The following IL1RAPL1 variants were observed in gnomAD, a reference collection of about 807,000 sequenced individuals.
IL1RAPL1 encodes interleukin 1 receptor accessory protein like 1, also known as interleukin-1 receptor accessory protein-like 1.
In IL1RAPL1, 3 loss-of-function variants were observed where a neutral mutation model predicts 48.4. That is an observed-to-expected ratio of 0.06 (90% CI 0.03 to 0.16). IL1RAPL1 has a LOEUF of 0.16. IL1RAPL1 is among the 10% of genes least tolerant of loss of function. IL1RAPL1 has a pLI of 1.00. For synonymous variants in IL1RAPL1, 185 were observed against 187.7 expected (o/e 0.99, Z 0.12); for missense variants, 349 against 530.6 (o/e 0.66, Z 3.36).
chrX:29,373,610 T>C (rs1047369673), intron 3 of IL1RAPL1, among the ~76,000 whole-genome samples: 1 of 110,673 alleles, frequency 9.0e-6, no homozygotes, highest in African/African-American at 3.3e-5. Context: ...AGTTCTTTGA[T>C]GTTGTTGTTG....
At chrX:29,287,009 A>T (rs1175453953) in intron 3 of IL1RAPL1, among the ~76,000 whole-genome samples, 1 of 111,318 alleles carries the variant, frequency 9.0e-6, no homozygotes, top group Non-Finnish European at 1.9e-5. Flanking sequence ...GGATATTGAC[A>T]TTGATACAGT....
intron 2 of IL1RAPL1, among the ~76,000 whole-genome samples, chrX:28,937,037 G>A (rs1484171845): frequency 1.8e-5 from 2 of 111,085 alleles, no homozygotes; most frequent in Non-Finnish European, 3.8e-5. Flanking sequence ...GCAGGATCCT[G>A]TGTAAAGTTG....
At chrX:29,803,252 TAC>T (rs1490038064) in intron 6 of IL1RAPL1, among the ~76,000 whole-genome samples, 3 of 36,107 alleles carry the variant, frequency 8.3e-5, no homozygotes, top group African/African-American at 2.4e-4. Flanking sequence ...TGTATACATA[TAC>T]ACACATGTAT....
chrX:29,732,300 C>T (rs1018425264), intron 6 of IL1RAPL1, among the ~76,000 whole-genome samples: 2 of 111,691 alleles, frequency 1.8e-5, no homozygotes, highest in Non-Finnish European at 3.8e-5. Context: ...ACCCCACCCC[C>T]GCACTTCTAA....
intron 3 of IL1RAPL1, among the ~76,000 whole-genome samples, chrX:29,317,619 G>T (rs1027742832): frequency 8.9e-6 from 1 of 112,001 alleles, no homozygotes; most frequent in African/African-American, 3.2e-5. Flanking sequence ...GTATGTATTT[G>T]TTGATTTGTT....
intron 5 of IL1RAPL1, among the ~76,000 whole-genome samples, chrX:29,629,250 G>A (rs2147078419): frequency 9.0e-6 from 1 of 111,424 alleles, no homozygotes; most frequent in Admixed American, 9.6e-5. Flanking sequence ...TCCTAAGAAA[G>A]AATTTTGTCA....
chrX:29,208,723 TAATAATAATAATA>T (rs1480774281), intron 2 of IL1RAPL1, among the ~76,000 whole-genome samples: 7 of 86,958 alleles, frequency 8.0e-5, no homozygotes, highest in African/African-American at 4.4e-4. Context: ...ATAATAATAA[TAATAATAATAATA>T]AATAAATAAA....
chrX:28,612,252 C>T (rs963847928), intron 1 of IL1RAPL1, among the ~76,000 whole-genome samples: 2 of 112,036 alleles, frequency 1.8e-5, no homozygotes, highest in Non-Finnish European at 3.8e-5. Flanking sequence ...CATCTACTAT[C>T]CTCACACTCC....
At chrX:29,481,055 A>G (rs184562181) in intron 5 of IL1RAPL1, among the ~76,000 whole-genome samples, 13 of 112,442 alleles carry the variant, frequency 1.2e-4, no homozygotes, top group African/African-American at 4.2e-4. Context: ...GAATTATTAG[A>G]TGTTTAATGA....
At chrX:29,008,005 GTAT>G (rs1250297482) in intron 2 of IL1RAPL1, among the ~76,000 whole-genome samples, 2 of 111,033 alleles carry the variant, frequency 1.8e-5, no homozygotes, top group Non-Finnish European at 1.9e-5. Flanking sequence ...TACTTTTTTA[GTAT>G]TATTATTATT....
chrX:29,543,115 T>TTCTCTCTCTCTCTCTC lies in IL1RAPL1; in HGVS notation c.704-125296_704-125281dup, dbSNP rs59836290. Among the ~76,000 whole-genome samples the TTCTCTCTCTCTCTCTC allele has an allele frequency of 3.5e-3, 319 of 91,686 alleles. 2 individuals carry two copies. The highest frequency in any genetic ancestry group is 0.012 in the African/African-American group (279 of 24,257). 79.6% of individuals were successfully genotyped at this position (91,686 alleles called of 115,157 possible). A position where few individuals can be genotyped will look rare whatever the true frequency, so the allele number is the denominator to read the frequency against. ...TGTTTGACCATAGCAATCTGTTCGT[T>TTCTCTCTCTCTCTCTC]TCTCTCTCTCTCTCTCTCTCTCTCT... On this transcript the variant is annotated intron_variant, in intron 5 of 10. Coordinates refer to ENST00000378993, the MANE Select transcript of IL1RAPL1 (RefSeq NM_014271.4).
At chrX:29,580,176 A>G (rs1187873206) in intron 5 of IL1RAPL1, among the ~76,000 whole-genome samples, 1 of 107,972 alleles carries the variant, frequency 9.3e-6, no homozygotes, top group Non-Finnish European at 1.9e-5. Flanking sequence ...TACGTTAGGT[A>G]CTTTAAAAAT....
chrX:28,833,513 C>T (rs931567875), intron 2 of IL1RAPL1, among the ~76,000 whole-genome samples: 1 of 111,605 alleles, frequency 9.0e-6, no homozygotes, highest in African/African-American at 3.3e-5. Flanking sequence ...TAATAATAGC[C>T]ATTCTGACTG....
intron 5 of IL1RAPL1, among the ~76,000 whole-genome samples, chrX:29,566,173 T>C (rs1922399395): frequency 8.9e-6 from 1 of 111,840 alleles, no homozygotes; most frequent in African/African-American, 3.3e-5. Context: ...TCTCCTGACC[T>C]CGTGATCCAC....
At chrX:29,652,353 A>G (rs1925546746) in intron 5 of IL1RAPL1, among the ~76,000 whole-genome samples, 1 of 111,681 alleles carries the variant, frequency 9.0e-6, no homozygotes, top group African/African-American at 3.2e-5. Flanking sequence ...GAGTCCCAGA[A>G]TTAGTAAAGT....
chrX:29,510,098 G>T (rs1935378766), intron 5 of IL1RAPL1, among the ~76,000 whole-genome samples: 2 of 112,086 alleles, frequency 1.8e-5, no homozygotes, highest in South Asian at 7.3e-4. Flanking sequence ...CTGCATATTG[G>T]CTTAATGGAT....
At chrX:29,915,291 T>C (rs1384519448) in intron 6 of IL1RAPL1, among the ~76,000 whole-genome samples, 1 of 111,656 alleles carries the variant, frequency 9.0e-6, no homozygotes. Context: ...AGGAAGACTC[T>C]GTCTCTGGGT....
At chrX:29,689,062 A>T (rs6628466) in intron 6 of IL1RAPL1, among the ~76,000 whole-genome samples, 33,726 of 110,480 alleles carry the variant, frequency 0.31, 3,851 homozygotes, top group South Asian at 0.44. Flanking sequence ...TTGTTCTCGT[A>T]CATTTGTCAA....
At chrX:29,749,525 C>T (rs150864718) in intron 6 of IL1RAPL1, among the ~76,000 whole-genome samples, 4,655 of 111,298 alleles carry the variant, frequency 0.042, 103 homozygotes, top group Non-Finnish European at 0.059. Flanking sequence ...TGAAAATGCT[C>T]TTACTGAAGC....
Sources: allele counts gnomAD v4.1 joint callset (sites outside exome capture counted in the v4.1 genomes callset), GRCh38; gene constraint gnomAD v4.1.1; transcripts MANE v1.5; gene names NCBI Gene and HGNC (gene_info 2026-07-23, HGNC 2026-07-21).